DLG1: variants seen among roughly 807,000 people sequenced by gnomAD.
DLG1 encodes discs large MAGUK scaffold protein 1, also known as disks large homolog 1.
Under a neutral mutation model 123.4 loss-of-function variants are expected in DLG1, and 42 were observed. The observed-to-expected ratio is 0.34, with a 90% CI of 0.27 to 0.44. DLG1 has a LOEUF of 0.44. Among genes scored for constraint, DLG1 ranks in the 20% least tolerant of loss-of-function variants. The probability of loss-of-function intolerance (pLI) is 1.00; values close to 1 mark genes in which losing one functional copy is unlikely to be tolerated. For missense variants in DLG1, 942 were observed against 1,082.6 expected (o/e 0.87, Z 1.82); for synonymous variants, 317 against 356.2 (o/e 0.89, Z 1.24).
At chr3:197,229,960 C>G (rs897130595) in intron 4 of DLG1, among the ~76,000 whole-genome samples, 1 of 152,206 alleles carries the variant, frequency 6.6e-6, no homozygotes, top group African/African-American at 2.4e-5. Context: ...CATGGTGTCA[C>G]AGCTAGCAGA....
At chr3:197,183,923 T>C (rs1714165543) in intron 5 of DLG1, 1 of 1,443,056 alleles carries the variant, frequency 6.9e-7, no homozygotes, top group Admixed American at 2.9e-5. Context: ...TGTAGATCAG[T>C]GAAAATAAAA....
chr3:197,060,156 G>C (rs1037578545), intron 22 of DLG1, among the ~76,000 whole-genome samples, 158 bp from the exon 23 acceptor site: 3 of 152,140 alleles, frequency 2.0e-5, no homozygotes, highest in Admixed American at 6.5e-5. Flanking sequence ...ACTTTAGATA[G>C]GAAATGAAAT....
intron 12 of DLG1, 22 bp from the exon 13 acceptor site, chr3:197,116,105 G>T: frequency 6.3e-7 from 1 of 1,581,074 alleles, no homozygotes; most frequent in Middle Eastern, 1.7e-4. Flanking sequence ...AAAAAATTGA[G>T]TATCTTGGAA....
intron 4 of DLG1, among the ~76,000 whole-genome samples, chr3:197,256,784 T>C (rs1179159311): frequency 1.3e-5 from 2 of 152,136 alleles, no homozygotes; most frequent in Non-Finnish European, 2.9e-5. Flanking sequence ...AACCTCACCA[T>C]ATAAAATGAG....
intron 10 of DLG1, among the ~76,000 whole-genome samples, chr3:197,131,386 C>T (rs1024444878): frequency 1.3e-5 from 2 of 151,874 alleles, no homozygotes; most frequent in African/African-American, 2.4e-5. Context: ...TTTCTACTTT[C>T]GTAATACTCA....
At position 197,161,099 on chromosome 3, in the gene DLG1, A is replaced by G. The variant is rs186860829; in HGVS notation, c.484-11303T>C. ...TAATTTTTTAAAAGTAAAATTTTAC[A>G]ACAGATTTACAGAAAAGTTGTGAAG... On this transcript the variant is annotated intron_variant, in intron 5 of 24. Coordinates refer to ENST00000667157, the MANE Select transcript of DLG1 (RefSeq NM_001366207.1). Among the ~76,000 whole-genome samples, 301 of 152,314 alleles carry G rather than the reference A, an allele frequency of 2.0e-3. 1 individual carries two copies. Among genetic ancestry groups the G allele is most frequent in the Middle Eastern group, 6.8e-3 (2 of 294 alleles).
At chr3:197,280,715 C>T (rs991418187) in intron 4 of DLG1, among the ~76,000 whole-genome samples, 11 of 152,020 alleles carry the variant, frequency 7.2e-5, no homozygotes, top group South Asian at 2.1e-4. Flanking sequence ...TATCATAAAT[C>T]GGACAATAAA....
Position 197,099,808 on chromosome 3 carries a change from T to A in DLG1, c.1546+5095A>T, listed in dbSNP as rs930529968. 9.9e-5 allele frequency among the ~76,000 whole-genome samples: 15 copies of A among 152,170 alleles called. 1 individual carries two copies. The highest frequency in any genetic ancestry group is 9.8e-4 in the Admixed American group (15 of 15,278). On this transcript the variant is annotated intron_variant, in intron 14 of 24. Coordinates refer to ENST00000667157, the MANE Select transcript of DLG1 (RefSeq NM_001366207.1). ...CCCAAGAGAAACAATTCTCAGAGGA[T>A]GGATACTATTAATTGGCCTAAAGAA...
At chr3:197,263,916 T>C (rs1251530957) in intron 4 of DLG1, among the ~76,000 whole-genome samples, 2 of 152,224 alleles carry the variant, frequency 1.3e-5, no homozygotes, top group African/African-American at 4.8e-5. Context: ...ATTTAAACTA[T>C]AGGTGATTAC....
intron 19 of DLG1, among the ~76,000 whole-genome samples, chr3:197,067,700 G>A (rs1165447751): frequency 1.3e-5 from 2 of 152,058 alleles, no homozygotes; most frequent in Admixed American, 1.3e-4. Context: ...TGGGATTACA[G>A]GCATGTGCCA....
In DLG1 at chr3:197,096,024, G is replaced by A. The variant is rs138979451; in HGVS notation, c.1547-4998C>T. On this transcript the variant is annotated intron_variant, in intron 14 of 24. Transcript: ENST00000667157. ...TGTCAAAAAAGCCTTAGTAATTTCA[G>A]TGGGAAATAATATTTGCAAGGCAAG... Among the ~76,000 whole-genome samples the A allele has an allele frequency of 5.2e-3, 789 of 152,296 alleles. 7 individuals are homozygous for A. The highest frequency in any genetic ancestry group is 0.018 in the African/African-American group (744 of 41,548).
At chr3:197,050,787 G>A (rs188147563) in intron 24 of DLG1, among the ~76,000 whole-genome samples, 2 of 152,200 alleles carry the variant, frequency 1.3e-5, no homozygotes, top group African/African-American at 4.8e-5. Context: ...GATCTTAAGA[G>A]TCTTCCCTAC....
At chr3:197,230,979 T>C (rs183261809) in intron 4 of DLG1, among the ~76,000 whole-genome samples, 136 of 150,036 alleles carry the variant, frequency 9.1e-4, no homozygotes, top group African/African-American at 3.3e-3. Context: ...AAGTAAGTTA[T>C]AGCATATAAC....
chr3:197,226,780 G>C (rs1399823337), intron 4 of DLG1, among the ~76,000 whole-genome samples: 3 of 152,140 alleles, frequency 2.0e-5, no homozygotes, highest in African/African-American at 7.2e-5. Flanking sequence ...AAAGCAGAAA[G>C]TCAAGCAGTT....
intron 4 of DLG1, among the ~76,000 whole-genome samples, chr3:197,238,915 T>C (rs1022447662): frequency 3.3e-5 from 5 of 151,680 alleles, no homozygotes; most frequent in African/African-American, 1.2e-4. Context: ...AGTCTAAAAC[T>C]TAAGGAACTA....
chr3:197,062,959 A>G lies in DLG1; in HGVS notation c.2373+2317T>C, dbSNP rs555784116. On this transcript the variant is annotated intron_variant, in intron 22 of 24. Transcript: ENST00000667157. ...CTGACAGTCAAACCTCACTCCCACT[A>G]CTGCCATTGTATTAGTTTATTTGCT... Among the ~76,000 whole-genome samples the G allele has an allele frequency of 7.9e-5, 12 of 152,122 alleles. No homozygotes were observed. The South Asian group carries it at 1.5e-3, about 18-fold the overall frequency.
At chr3:197,140,751 C>T (rs143214743) in intron 7 of DLG1, among the ~76,000 whole-genome samples, 56 of 152,298 alleles carry the variant, frequency 3.7e-4, no homozygotes, top group African/African-American at 1.3e-3. Flanking sequence ...AACTTGACAT[C>T]AGCTTATTTT....
chr3:197,082,704 G>A (rs1204254067), intron 16 of DLG1, among the ~76,000 whole-genome samples: 4 of 152,182 alleles, frequency 2.6e-5, no homozygotes, highest in Non-Finnish European at 5.9e-5. Context: ...ATACATTCAA[G>A]AACGAAATGG....
chr3:197,156,628 A>T (rs1796525567), intron 5 of DLG1, among the ~76,000 whole-genome samples: 1 of 152,222 alleles, frequency 6.6e-6, no homozygotes, highest in African/African-American at 2.4e-5. Context: ...TTCATGCAAC[A>T]GTAACCAAAG....
Sources: allele counts gnomAD v4.1 joint callset (sites outside exome capture counted in the v4.1 genomes callset), GRCh38; gene constraint gnomAD v4.1.1; transcripts MANE v1.5; gene names NCBI Gene and HGNC (gene_info 2026-07-23, HGNC 2026-07-21).